BTN3A3: variants seen among roughly 807,000 people sequenced by gnomAD.
BTN3A3 encodes the protein butyrophilin subfamily 3 member A3.
A neutral mutation model predicts 43.2 loss-of-function variants in BTN3A3; 39 were observed. The ratio of observed to expected loss-of-function variants is 0.90; its 90% CI spans 0.70 to 1.18. The LOEUF is 1.18. BTN3A3 is among the 50% of genes most tolerant of loss of function. BTN3A3 has a pLI of 0.00. For synonymous variants in BTN3A3, 255 were observed against 272.7 expected, an observed-to-expected ratio of 0.93 and a Z score of 0.64; for missense variants, 631 against 722.8, an observed-to-expected ratio of 0.87 and a Z score of 1.46.
At position 26,445,476 on chromosome 6, in the gene BTN3A3, T is replaced by C; in HGVS notation, c.434-228T>C. 3.4e-6 allele frequency: 2 copies of C among 582,318 alleles called. 1 individual carries two copies. The highest frequency in any genetic ancestry group is 4.3e-5 in the South Asian group (2 of 46,164). 36.1% of individuals were successfully genotyped at this position (582,318 alleles called of 1,614,324 possible). On this transcript the variant is annotated intron_variant, in intron 4 of 10. Coordinates refer to ENST00000244519, the MANE Select transcript of BTN3A3 (RefSeq NM_006994.5). ...TTTATGTCTCCGGAACAGATCCCTC[T>C]CCTCCTCCCTCTGGTAATTGGGGTG...
In BTN3A3 at chr6:26,452,260, C is replaced by T; in HGVS notation, c.1604C>T (p.Pro535Leu). The change falls in exon 11 of 11, where the codon CCA (proline) becomes CTA (leucine). Residue 535 changes from proline to leucine, a missense_variant. Physicochemically the swap from Pro to Leu is moderately conservative, Grantham distance 98 (BLOSUM62 -3). This residue lies in a region of BTN3A3 where 551 missense variants were observed against 584.0 expected (regional missense o/e 0.94). Transcript: ENST00000244519. ...GTGCCTGATCATTCCCTGGAGACAC[C>T]ACTGACCCCGGGCTTAGCTAATGAA... Reference protein sequence around the residue: ...DLVPDHSLETPLTPGLANESG... With the variant: ...DLVPDHSLETLLTPGLANESG... 1.2e-6 allele frequency: 2 copies of T among 1,614,158 alleles called. No individual in the cohort carries two copies. The highest frequency in any genetic ancestry group is 2.2e-5 in the South Asian group (2 of 91,076).
intron 4 of BTN3A3, 109 bp downstream of exon 4, chr6:26,444,413 T>C: frequency 6.5e-7 from 1 of 1,545,644 alleles, no homozygotes; most frequent in Non-Finnish European, 8.9e-7. Context: ...CACTAGCAAT[T>C]GTCTGCACTG....
In BTN3A3 at chr6:26,448,230, C is replaced by T. The variant is rs762980566; in HGVS notation, c.716-18C>T. On this transcript the variant is annotated intron_variant, in intron 5 of 10. Coordinates refer to ENST00000244519, the MANE Select transcript of BTN3A3 (RefSeq NM_006994.5). ...TGAGTGCACTAGCTCCCATGACCCACAGCTCTCCCCTTCGCAGACCCCTTC... is the reference window on the plus strand; with the variant it reads ...TGAGTGCACTAGCTCCCATGACCCATAGCTCTCCCCTTCGCAGACCCCTTC... The T allele has an allele frequency of 3.1e-6, 5 of 1,611,676 alleles. No individual in the cohort carries two copies. The South Asian group carries it at 5.5e-5, about 18-fold the overall frequency.
intron 1 of BTN3A3, among the ~76,000 whole-genome samples, chr6:26,442,060 G>A (rs1762650570): frequency 6.6e-6 from 1 of 152,192 alleles, no homozygotes; most frequent in Non-Finnish European, 1.5e-5. Flanking sequence ...GCAAGATCCA[G>A]GCGAGGGTGG....
Position 26,445,703 on chromosome 6 carries a change from G to A in BTN3A3, c.434-1G>A. ...ATTTAGGGCAATTTATCCTTCTACA[G>A]CATTGGGTTCTGATCTTCACATTGA... On this transcript the variant is annotated splice_acceptor_variant, in intron 4 of 10. Coordinates refer to ENST00000244519, the MANE Select transcript of BTN3A3 (RefSeq NM_006994.5). LOFTEE classifies it high-confidence loss of function. 1.2e-6 allele frequency: 2 copies of A among 1,613,260 alleles called. No individual in the cohort carries two copies. Among genetic ancestry groups the A allele is most frequent in the Non-Finnish European group, 8.5e-7 (1 of 1,179,296 alleles).
intron 10 of BTN3A3, among the ~76,000 whole-genome samples, chr6:26,451,089 G>T (rs973094206): frequency 3.9e-5 from 6 of 152,158 alleles, no homozygotes; most frequent in Admixed American, 1.3e-4. Flanking sequence ...TGAATCTGGG[G>T]CCCCTCATAG....
chr6:26,446,253 A>AT (rs765160729), intron 5 of BTN3A3, among the ~76,000 whole-genome samples: 2 of 152,358 alleles, frequency 1.3e-5, no homozygotes, highest in African/African-American at 2.4e-5. Context: ...GGGGAAAAAC[A>AT]TTAAGAGAAG....
At chr6:26,449,929 G>A (rs1435110177) in intron 9 of BTN3A3, among the ~76,000 whole-genome samples, 178 bp from the exon 10 acceptor site, 2 of 152,158 alleles carry the variant, frequency 1.3e-5, no homozygotes, top group Non-Finnish European at 2.9e-5. Context: ...ACAGGGAGCC[G>A]AGCCTGACAT....
At chr6:26,448,098 C>A in intron 5 of BTN3A3, 150 bp from the exon 6 acceptor site, 1 of 871,124 alleles carries the variant, frequency 1.1e-6, no homozygotes, top group Non-Finnish European at 1.7e-6. Context: ...TCTCTACAGT[C>A]CTCTGAGACT....
At chr6:26,448,190 T>A in intron 5 of BTN3A3, 58 bp from the exon 6 acceptor site, 1 of 1,581,776 alleles carries the variant, frequency 6.3e-7, no homozygotes, top group Non-Finnish European at 8.6e-7. Flanking sequence ...CTTGGGGTGC[T>A]GAGGCTGGGG....
intron 1 of BTN3A3, among the ~76,000 whole-genome samples, chr6:26,443,122 C>A (rs1762684196): frequency 6.6e-6 from 1 of 152,154 alleles, no homozygotes. Context: ...CCACCAGGAG[C>A]CACCAGGCCA....
chr6:26,450,600 A>G (rs1251466638), intron 10 of BTN3A3, among the ~76,000 whole-genome samples: 1 of 152,220 alleles, frequency 6.6e-6, no homozygotes. Context: ...TGTGGGGGTG[A>G]GGTGAAGACT....
intron 8 of BTN3A3, chr6:26,449,456 A>G (rs1581657741): frequency 3.3e-6 from 2 of 610,454 alleles, no homozygotes; most frequent in African/African-American, 3.7e-5. Flanking sequence ...TCTCACAGTG[A>G]CTGCCCTGCC....
intron 8 of BTN3A3, 44 bp downstream of exon 8, chr6:26,448,798 A>G: frequency 2.5e-6 from 4 of 1,611,704 alleles, no homozygotes; most frequent in Non-Finnish European, 3.4e-6. Flanking sequence ...TCTTGAATCT[A>G]TGACTCTCTT....
chr6:26,449,799 C>T, intron 9 of BTN3A3, 111 bp downstream of exon 9: 1 of 1,365,444 alleles, frequency 7.3e-7, no homozygotes, highest in Non-Finnish European at 1.0e-6. Context: ...CAGATCTAAC[C>T]CTTAGACTCA....
At position 26,451,688 on chromosome 6, in the gene BTN3A3, G is replaced by C. The variant is rs1298182101; in HGVS notation, c.1032G>C (p.Leu344=). The part of the protein sequence containing the change: ...MALFKPADVI[L]DPDTANAILL... ...AACTCTCTGCAGCGGATGTGATTCT[G>C]GATCCAGACACGGCAAACGCCATCC... The change falls in exon 11 of 11, where the codon CTG becomes CTC. Residue 344 remains leucine, a synonymous_variant. Transcript: ENST00000244519. 8.7e-6 allele frequency: 14 copies of C among 1,611,754 alleles called. No homozygotes were observed. The highest frequency in any genetic ancestry group is 1.3e-5 in the African/African-American group (1 of 74,864).
chr6:26,447,726 C>T (rs1299444965), intron 5 of BTN3A3, among the ~76,000 whole-genome samples: 3 of 152,148 alleles, frequency 2.0e-5, no homozygotes, highest in African/African-American at 7.2e-5. Flanking sequence ...TCATTACCCT[C>T]ATTTTATAGA....
chr6:26,443,423 G>A lies in BTN3A3; in HGVS notation c.-25G>A. ...GAACCCAAAGGTAAAGACACTCAAGGACAGACATTTTTGGCAGAGGTAAGA... is the reference window on the plus strand; with the variant it reads ...GAACCCAAAGGTAAAGACACTCAAGAACAGACATTTTTGGCAGAGGTAAGA... On this transcript the variant is annotated 5_prime_UTR_variant, in exon 2 of 11. Coordinates refer to ENST00000244519, the MANE Select transcript of BTN3A3 (RefSeq NM_006994.5). 6.9e-7 allele frequency: 1 copy of A among 1,459,184 alleles called. No individual in the cohort carries two copies. The highest frequency in any genetic ancestry group is 9.1e-7 in the Non-Finnish European group (1 of 1,101,022). 90.4% of individuals were successfully genotyped at this position (1,459,184 alleles called of 1,614,324 possible).
At position 26,452,067 on chromosome 6, in the gene BTN3A3, G is replaced by C. The variant is rs369319317; in HGVS notation, c.1411G>C (p.Glu471Gln). The C allele has an allele frequency of 4.3e-6, 7 of 1,614,142 alleles. No homozygotes were observed. The highest frequency in any genetic ancestry group is 2.2e-5 in the East Asian group (1 of 44,882). ...GATCTTCCTGGACTATGAGACTGGA[G>C]AGATCTCGTTCTATAATGCCACAGA... ...VGIFLDYETG[E>Q]ISFYNATDGS... The change falls in exon 11 of 11, where the codon GAG becomes CAG. Residue 471 changes from glutamate (E) to glutamine (Q), a missense_variant. By Grantham distance (29) the Glu-to-Gln change is conservative. Around this residue, in one of 2 missense-constraint regions of BTN3A3, gnomAD observed 551 missense variants for 584.0 expected, o/e 0.94. Transcript: ENST00000244519.
Sources: gnomAD v4.1 joint callset for allele counts (sites outside exome capture counted in the v4.1 genomes callset) on GRCh38, gnomAD v4.1.1 for gene constraint, gnomAD v4.1.1 regional missense constraint, MANE v1.5 for transcripts, NCBI Gene and HGNC (gene_info 2026-07-23, HGNC 2026-07-21) for gene names.